The following SYT1 variants were observed in gnomAD, a reference collection of about 807,000 sequenced individuals.
SYT1 encodes synaptotagmin-1.
Under a neutral mutation model 44.8 loss-of-function variants are expected in SYT1, and 8 were observed. The observed-to-expected ratio is 0.18, with a 90% CI of 0.10 to 0.32. SYT1 has a LOEUF of 0.32. Among genes scored for constraint, SYT1 ranks in the 10% least tolerant of loss-of-function variants. The pLI is 1.00. For synonymous variants in SYT1, 154 were observed against 188.8 expected (o/e 0.82, Z 1.51); for missense variants, 286 against 509.3 (o/e 0.56, Z 4.22).
At chr12:79,373,178 T>C (rs1883861509) in intron 9 of SYT1, among the ~76,000 whole-genome samples, 1 of 152,288 alleles carries the variant, frequency 6.6e-6, no homozygotes, top group East Asian at 1.9e-4. Flanking sequence ...TGAAAATGAT[T>C]GGGGGAGAGA....
chr12:79,241,157 G>A (rs1184457700), intron 4 of SYT1, among the ~76,000 whole-genome samples: 1 of 152,116 alleles, frequency 6.6e-6, no homozygotes, highest in Non-Finnish European at 1.5e-5. Context: ...CTGAACAACA[G>A]AGTGAAACCC....
At chr12:78,958,686 ACT>A (rs1365744734) in intron 1 of SYT1, among the ~76,000 whole-genome samples, 4 of 149,026 alleles carry the variant, frequency 2.7e-5, no homozygotes, top group African/African-American at 9.9e-5. Flanking sequence ...CAAAAGCAAA[ACT>A]CTTTCTGAAG....
chr12:79,258,444 A>G (rs1486374121), intron 4 of SYT1, among the ~76,000 whole-genome samples: 3 of 152,200 alleles, frequency 2.0e-5, no homozygotes, highest in Admixed American at 6.5e-5. Context: ...ATTAAATACA[A>G]GTGACATGGA....
intron 3 of SYT1, among the ~76,000 whole-genome samples, chr12:79,102,270 T>TTC (rs113338125): frequency 5.9e-4 from 88 of 148,808 alleles, no homozygotes; most frequent in South Asian, 1.1e-3. Context: ...CTCTCTCTCT[T>TTC]TCTCTCTCTC....
intron 3 of SYT1, among the ~76,000 whole-genome samples, chr12:79,056,262 G>C (rs192121755): frequency 6.6e-6 from 1 of 152,132 alleles, no homozygotes; most frequent in Non-Finnish European, 1.5e-5. Context: ...AGAAAGAAAA[G>C]GAGAAAAGTC....
intron 3 of SYT1, among the ~76,000 whole-genome samples, chr12:79,050,678 A>G (rs1003430228): frequency 2.6e-5 from 4 of 152,076 alleles, no homozygotes; most frequent in African/African-American, 9.7e-5. Context: ...GCTTTCCTGA[A>G]AAAACAAATA....
At chr12:78,875,599 G>A (rs1324200581) in intron 1 of SYT1, among the ~76,000 whole-genome samples, 3 of 151,440 alleles carry the variant, frequency 2.0e-5, no homozygotes, top group African/African-American at 7.3e-5. Context: ...TGTTTCCCGT[G>A]CCTTAATATT....
At chr12:79,359,963 C>T (rs899148414) in intron 9 of SYT1, among the ~76,000 whole-genome samples, 15 of 152,078 alleles carry the variant, frequency 9.9e-5, no homozygotes, top group Non-Finnish European at 2.2e-4. Context: ...ATCAAAATCA[C>T]CTAGGGTACT....
chr12:79,107,760 G>A (rs1317435948), intron 3 of SYT1, among the ~76,000 whole-genome samples: 2 of 151,878 alleles, frequency 1.3e-5, no homozygotes, highest in Non-Finnish European at 2.9e-5. Context: ...GTAACTTGAT[G>A]TTGTATCACT....
chr12:79,242,558 G>T (rs1172600270), intron 4 of SYT1, among the ~76,000 whole-genome samples: 1 of 152,186 alleles, frequency 6.6e-6, no homozygotes, highest in Non-Finnish European at 1.5e-5. Flanking sequence ...AACAAGCAAA[G>T]TGATATTTTT....
intron 4 of SYT1, 122 bp from the exon 5 acceptor site, chr12:79,285,665 T>G (rs112633204): frequency 5.9e-6 from 4 of 672,408 alleles, no homozygotes; most frequent in Non-Finnish European, 1.0e-5. Context: ...ATGGTGTACC[T>G]GCAGCATAAC....
At chr12:79,114,115 C>T (rs1879155641) in intron 3 of SYT1, among the ~76,000 whole-genome samples, 1 of 152,088 alleles carries the variant, frequency 6.6e-6, no homozygotes, top group South Asian at 2.1e-4. Context: ...AGGAAAATAC[C>T]TTGGGTTGTG....
chr12:79,008,479 T>G (rs1311251863), intron 2 of SYT1, among the ~76,000 whole-genome samples: 1 of 152,094 alleles, frequency 6.6e-6, no homozygotes, highest in African/African-American at 2.4e-5. Flanking sequence ...TTCAAGAAAT[T>G]TACTCTGGCT....
At chr12:79,322,246 T>G (rs533561420) in intron 8 of SYT1, among the ~76,000 whole-genome samples, 5 of 152,298 alleles carry the variant, frequency 3.3e-5, no homozygotes, top group African/African-American at 1.2e-4. Flanking sequence ...CTAAAGAGTT[T>G]AACGCATAAC....
At chr12:79,032,743 C>G (rs1345618229) in intron 2 of SYT1, among the ~76,000 whole-genome samples, 3 of 151,136 alleles carry the variant, frequency 2.0e-5, no homozygotes, top group Non-Finnish European at 4.4e-5. Context: ...CTGATTATTC[C>G]CTATTTCAAG....
At chr12:78,890,487 A>G (rs1223080792) in intron 1 of SYT1, among the ~76,000 whole-genome samples, 1 of 151,962 alleles carries the variant, frequency 6.6e-6, no homozygotes, top group South Asian at 2.1e-4. Flanking sequence ...TTGTATACAT[A>G]TGTAACAAAC....
chr12:78,893,562 T>C (rs1278221253), intron 1 of SYT1, among the ~76,000 whole-genome samples: 1 of 151,700 alleles, frequency 6.6e-6, no homozygotes, highest in African/African-American at 2.4e-5. Context: ...TAAGAGAATA[T>C]CCTGGAAAAG....
chr12:79,088,365 G>A (rs1041800573), intron 3 of SYT1, among the ~76,000 whole-genome samples: 3 of 152,094 alleles, frequency 2.0e-5, no homozygotes, highest in Non-Finnish European at 4.4e-5. Flanking sequence ...CAGGTTAACA[G>A]GAAACAGGCA....
intron 1 of SYT1, among the ~76,000 whole-genome samples, chr12:78,906,980 T>C (rs1442907595): frequency 6.6e-6 from 1 of 152,136 alleles, no homozygotes; most frequent in Non-Finnish European, 1.5e-5. Context: ...TAACTTTTGA[T>C]GTAAATTATT....
Sources: gnomAD v4.1 joint callset for allele counts (sites outside exome capture counted in the v4.1 genomes callset) on GRCh38, gnomAD v4.1.1 for gene constraint, MANE v1.5 for transcripts, NCBI Gene and HGNC (gene_info 2026-07-23, HGNC 2026-07-21) for gene names.